The following PTPRD variants were observed in gnomAD, a reference collection of about 807,000 sequenced individuals.
PTPRD encodes receptor-type tyrosine-protein phosphatase delta.
In PTPRD, 34 loss-of-function variants were observed where a neutral mutation model predicts 214.5. That is an observed-to-expected ratio of 0.16 (90% CI 0.12 to 0.21). The LOEUF is 0.21. PTPRD is among the 10% of genes least tolerant of loss of function. The pLI is 1.00. For missense variants in PTPRD, 2,545 were observed against 2,398.7 expected, an observed-to-expected ratio of 1.06 and a Z score of -1.27; for synonymous variants, 1,128 against 845.7, an observed-to-expected ratio of 1.33 and a Z score of -5.79.
intron 11 of PTPRD, among the ~76,000 whole-genome samples, chr9:8,911,415 T>G (rs898195028): frequency 7.8e-6 from 1 of 127,632 alleles, no homozygotes; most frequent in South Asian, 2.5e-4. Context: ...TGTGTGTGTG[T>G]TGTGTGTGTG....
At chr9:8,658,439 A>G (rs2096958245) in intron 12 of PTPRD, among the ~76,000 whole-genome samples, 1 of 152,188 alleles carries the variant, frequency 6.6e-6, no homozygotes, top group South Asian at 2.1e-4. Context: ...TTTCCCACAA[A>G]GGACATATTG....
At chr9:10,233,464 C>T (rs1434367762) in intron 3 of PTPRD, among the ~76,000 whole-genome samples, 1 of 151,920 alleles carries the variant, frequency 6.6e-6, no homozygotes, top group Non-Finnish European at 1.5e-5. Flanking sequence ...ATTTCAAAGT[C>T]CAACAGCTTG....
intron 3 of PTPRD, among the ~76,000 whole-genome samples, chr9:10,201,851 A>G (rs1208281190): frequency 6.6e-6 from 1 of 152,082 alleles, no homozygotes; most frequent in Non-Finnish European, 1.5e-5. Context: ...TTTTTGAAAT[A>G]AGAAATCTTA....
chr9:9,402,765 C>A (rs1333109), intron 8 of PTPRD, among the ~76,000 whole-genome samples: 50,878 of 151,254 alleles, frequency 0.34, 9,655 homozygotes, highest in African/African-American at 0.51. Context: ...AGTGGGTACC[C>A]ATTTTCAGAA....
chr9:10,525,686 C>A (rs2054030632), intron 2 of PTPRD, among the ~76,000 whole-genome samples: 1 of 150,760 alleles, frequency 6.6e-6, no homozygotes, highest in Non-Finnish European at 1.5e-5. Flanking sequence ...CTTGAGCCAT[C>A]AATTTTCACA....
At position 9,390,109 on chromosome 9, in the gene PTPRD, A is replaced by G. The variant is rs1485625233; in HGVS notation, c.-203+7340T>C. Among the ~76,000 whole-genome samples the G allele has an allele frequency of 7.9e-5, 12 of 152,176 alleles. 1 individual carries two copies. In the South Asian group the frequency reaches 1.7e-3, roughly 21 times the overall value. On this transcript the variant is annotated intron_variant, in intron 9 of 45. Coordinates refer to ENST00000381196, the MANE Select transcript of PTPRD (RefSeq NM_002839.4). ...TTATGTGAGAAAGCACTCCAGGTAC[A>G]GAGAGCAGAGGCCAAAGTCCTCCAG...
At chr9:9,084,257 A>G (rs2099763593) in intron 10 of PTPRD, among the ~76,000 whole-genome samples, 1 of 152,204 alleles carries the variant, frequency 6.6e-6, no homozygotes, top group Non-Finnish European at 1.5e-5. Context: ...TTGCAGGGAC[A>G]TGGATGAAGC....
chr9:8,830,951 G>A (rs761326633), intron 11 of PTPRD, among the ~76,000 whole-genome samples: 1 of 152,100 alleles, frequency 6.6e-6, no homozygotes, highest in Non-Finnish European at 1.5e-5. Flanking sequence ...TTAGTATGAA[G>A]TTTATATTTT....
chr9:8,381,795 C>T lies in PTPRD; in HGVS notation c.4387-5069G>A, dbSNP rs1262867818. ...TATTCCCTTTTGTTTGATGTGTCTG[C>T]CAGAAGTTGACATAGGGAGCTGCCG... On this transcript the variant is annotated intron_variant, in intron 37 of 45. Coordinates refer to ENST00000381196, the MANE Select transcript of PTPRD (RefSeq NM_002839.4). Among the ~76,000 whole-genome samples, 5 of 152,148 alleles carry T rather than the reference C, an allele frequency of 3.3e-5. No homozygotes were observed. The East Asian group carries it at 7.7e-4, about 23-fold the overall frequency.
intron 10 of PTPRD, among the ~76,000 whole-genome samples, chr9:9,134,433 G>C (rs535261692): frequency 6.6e-6 from 1 of 152,110 alleles, no homozygotes; most frequent in East Asian, 1.9e-4. Flanking sequence ...AATTCTCTTG[G>C]CTTTACCTTC....
intron 9 of PTPRD, among the ~76,000 whole-genome samples, chr9:9,201,967 A>G (rs1018628777): frequency 6.6e-6 from 1 of 152,224 alleles, no homozygotes; most frequent in African/African-American, 2.4e-5. Context: ...TTTTAGAAAG[A>G]GGAGAGAGTG....
At chr9:9,892,499 G>A (rs1034180011) in intron 5 of PTPRD, among the ~76,000 whole-genome samples, 1 of 152,094 alleles carries the variant, frequency 6.6e-6, no homozygotes, top group Non-Finnish European at 1.5e-5. Context: ...ATATAGCACA[G>A]AAACCAAATG....
intron 3 of PTPRD, among the ~76,000 whole-genome samples, chr9:10,213,805 T>C (rs1337045199): frequency 2.6e-5 from 4 of 152,132 alleles, no homozygotes; most frequent in Non-Finnish European, 4.4e-5. Context: ...TCTTTCCATA[T>C]ACATAAGACT....
chr9:10,259,315 C>T (rs181743532), intron 3 of PTPRD, among the ~76,000 whole-genome samples: 370 of 152,274 alleles, frequency 2.4e-3, no homozygotes, highest in Middle Eastern at 3.4e-3. Context: ...TGAGCCACCG[C>T]GCCCGGCCGG....
In PTPRD at chr9:10,385,761, T is replaced by C. The variant is rs186647993; in HGVS notation, c.-599-44744A>G. On this transcript the variant is annotated intron_variant, in intron 2 of 45. Transcript: ENST00000381196. ...ACTTTCCAGCTTAGTGCCTGACACA[T>C]AGATGGCTATCACAAAAGAAATGAA... Among the ~76,000 whole-genome samples, 287 of 151,964 alleles carry C rather than the reference T, an allele frequency of 1.9e-3. 2 individuals are homozygous for C. Among genetic ancestry groups the C allele is most frequent in the African/African-American group, 6.5e-3 (270 of 41,522 alleles).
At chr9:9,431,192 T>G (rs200362819) in intron 8 of PTPRD, among the ~76,000 whole-genome samples, 3 of 151,966 alleles carry the variant, frequency 2.0e-5, no homozygotes, top group South Asian at 2.1e-4. Flanking sequence ...ACAAAGAACT[T>G]AAACAAATTT....
intron 8 of PTPRD, among the ~76,000 whole-genome samples, chr9:9,431,151 C>G (rs1249426948): frequency 6.6e-6 from 1 of 152,000 alleles, no homozygotes; most frequent in Non-Finnish European, 1.5e-5. Flanking sequence ...TGCAATCTAC[C>G]CATCTGACAA....
At chr9:9,622,223 T>C (rs1564117133) in intron 7 of PTPRD, among the ~76,000 whole-genome samples, 1 of 152,186 alleles carries the variant, frequency 6.6e-6, no homozygotes, top group Non-Finnish European at 1.5e-5. Context: ...TTAACACTCA[T>C]TAAACACAAA....
chr9:8,557,649 A>T (rs533816763), intron 14 of PTPRD, among the ~76,000 whole-genome samples: 1 of 147,934 alleles, frequency 6.8e-6, no homozygotes, highest in East Asian at 2.1e-4. Flanking sequence ...AGGCTGAGGC[A>T]GGGGAATCGC....
Sources: allele counts gnomAD v4.1 joint callset (sites outside exome capture counted in the v4.1 genomes callset), GRCh38; gene constraint gnomAD v4.1.1; transcripts MANE v1.5; gene names NCBI Gene and HGNC (gene_info 2026-07-23, HGNC 2026-07-21).